ENPEP: variants seen among roughly 807,000 people sequenced by gnomAD.
The protein encoded by ENPEP is glutamyl aminopeptidase.
A neutral mutation model predicts 114.5 loss-of-function variants in ENPEP; 103 were observed. The observed-to-expected ratio is 0.90, with a 90% CI of 0.77 to 1.06. The LOEUF is 1.06. Ranked by LOEUF, ENPEP falls within the 50% of genes least tolerant of loss-of-function variation. ENPEP has a pLI of 0.00. For synonymous variants in ENPEP, 420 were observed against 422.0 expected (o/e 1.00, Z 0.06); for missense variants, 1,196 against 1,161.3 (o/e 1.03, Z -0.43).
chr4:110,515,924 C>T (rs890732322), intron 8 of ENPEP: 5 of 412,156 alleles, frequency 1.2e-5, no homozygotes, highest in Non-Finnish European at 2.4e-5. Flanking sequence ...ACTCTGGTGT[C>T]TCTTATAAGG....
chr4:110,547,434 G>A (rs576975939), intron 13 of ENPEP, among the ~76,000 whole-genome samples: 4 of 152,034 alleles, frequency 2.6e-5, no homozygotes, highest in Admixed American at 6.6e-5. Flanking sequence ...TTCCCTAGAC[G>A]TAGAGTCAGA....
intron 18 of ENPEP, among the ~76,000 whole-genome samples, chr4:110,556,302 A>G (rs1015979596): frequency 2.6e-5 from 4 of 151,994 alleles, no homozygotes; most frequent in African/African-American, 4.8e-5. Flanking sequence ...TTGTCATATT[A>G]CTGTTTCTCC....
At chr4:110,507,974 A>G (rs1725430528) in intron 4 of ENPEP, among the ~76,000 whole-genome samples, 1 of 152,208 alleles carries the variant, frequency 6.6e-6, no homozygotes, top group Admixed American at 6.5e-5. Context: ...CTCAATTTAA[A>G]AATATCAGAA....
intron 13 of ENPEP, among the ~76,000 whole-genome samples, chr4:110,545,738 T>C (rs1376183414): frequency 6.6e-6 from 1 of 151,996 alleles, no homozygotes; most frequent in African/African-American, 2.4e-5. Flanking sequence ...ATCCATTCCA[T>C]TGAGAAGGAT....
intron 3 of ENPEP, among the ~76,000 whole-genome samples, chr4:110,493,542 T>C (rs573839592): frequency 4.6e-5 from 7 of 152,248 alleles, no homozygotes; most frequent in South Asian, 2.1e-4. Context: ...AACCCTTCCA[T>C]AGAAGACAGG....
At chr4:110,521,275 C>T (rs1465709582) in intron 10 of ENPEP, among the ~76,000 whole-genome samples, 2 of 152,068 alleles carry the variant, frequency 1.3e-5, no homozygotes, top group Non-Finnish European at 2.9e-5. Context: ...GAGGCTGAGG[C>T]ATGAAGACGA....
chr4:110,502,228 A>G (rs138978413), intron 3 of ENPEP, among the ~76,000 whole-genome samples: 21 of 152,208 alleles, frequency 1.4e-4, no homozygotes, highest in African/African-American at 4.1e-4. Context: ...CTCATTCTGT[A>G]TGTTGTCTGT....
At chr4:110,518,482 A>G (rs1027926877) in intron 8 of ENPEP, among the ~76,000 whole-genome samples, 2 of 152,230 alleles carry the variant, frequency 1.3e-5, no homozygotes, top group Non-Finnish European at 2.9e-5. Flanking sequence ...ATGATTATTC[A>G]AGGTGAAGAG....
At chr4:110,535,767 G>A (rs28447570) in intron 11 of ENPEP, among the ~76,000 whole-genome samples, 44,351 of 151,948 alleles carry the variant, frequency 0.29, 6,833 homozygotes, top group Non-Finnish European at 0.33. Context: ...CAGGTGGATC[G>A]CCTGAGGTCG....
intron 10 of ENPEP, among the ~76,000 whole-genome samples, chr4:110,527,972 T>C (rs1578409057): frequency 6.6e-6 from 1 of 152,318 alleles, no homozygotes; most frequent in African/African-American, 2.4e-5. Context: ...CCAAACAATT[T>C]TACTGCCAAG....
chr4:110,553,807 A>G (rs550100440), intron 18 of ENPEP, among the ~76,000 whole-genome samples: 1 of 152,164 alleles, frequency 6.6e-6, no homozygotes, highest in South Asian at 2.1e-4. Context: ...GTTTGATTAA[A>G]GCTAGGTAAA....
chr4:110,561,447 A>G lies in ENPEP; in HGVS notation c.2763A>G (p.Gly921=). 6.2e-7 allele frequency: 1 copy of G among 1,614,086 alleles called. No homozygotes were observed. Among genetic ancestry groups the G allele is most frequent in the Non-Finnish European group, 8.5e-7 (1 of 1,179,962 alleles). The part of the protein sequence containing the change: ...FFAKYPQAGA[G]EKPREQVLET... ...CAAAATATCCACAAGCTGGAGCAGG[A>G]GAAAAACCTAGGGAACAAGTGCTGG... The change falls in exon 20 of 20, where the codon GGA becomes GGG. Residue 921 remains glycine, a synonymous_variant. Transcript: ENST00000265162.
In ENPEP at chr4:110,505,847, G is replaced by C. The variant is rs377340642; in HGVS notation, c.919-790G>C. Among the ~76,000 whole-genome samples, 10 of 152,258 alleles carry C rather than the reference G, an allele frequency of 6.6e-5. No individual in the cohort carries two copies. In the South Asian group the frequency reaches 2.1e-3, roughly 32 times the overall value. On this transcript the variant is annotated intron_variant, in intron 3 of 19. Transcript: ENST00000265162. ...AACACCTGTAATATTCTTTTCCAGAGACCACATCTACTTTCACGACACTAT... is the reference window on the plus strand; with the variant it reads ...AACACCTGTAATATTCTTTTCCAGACACCACATCTACTTTCACGACACTAT...
chr4:110,541,603 T>A (rs146940532), intron 11 of ENPEP, among the ~76,000 whole-genome samples: 224 of 152,220 alleles, frequency 1.5e-3, no homozygotes, highest in African/African-American at 5.2e-3. Context: ...ACTATTGAAA[T>A]CTTTCCAGAA....
At chr4:110,487,341 A>G (rs1724542467) in intron 1 of ENPEP, among the ~76,000 whole-genome samples, 1 of 152,198 alleles carries the variant, frequency 6.6e-6, no homozygotes, top group African/African-American at 2.4e-5. Context: ...TCCTTCCCAA[A>G]ATTAGTTCGG....
At chr4:110,526,790 C>T (rs941036909) in intron 10 of ENPEP, among the ~76,000 whole-genome samples, 2 of 152,014 alleles carry the variant, frequency 1.3e-5, no homozygotes, top group African/African-American at 4.8e-5. Context: ...GAGCAGCCCA[C>T]GTGATAGTTG....
intron 18 of ENPEP, among the ~76,000 whole-genome samples, chr4:110,556,437 G>A (rs1484161768): frequency 6.6e-6 from 1 of 151,958 alleles, no homozygotes; most frequent in African/African-American, 2.4e-5. Context: ...CTTTAAGTGT[G>A]CATCTTCAAT....
At chr4:110,495,646 A>C (rs772088006) in intron 3 of ENPEP, among the ~76,000 whole-genome samples, 8 of 152,130 alleles carry the variant, frequency 5.3e-5, no homozygotes, top group Non-Finnish European at 1.2e-4. Context: ...GCTTGAACCC[A>C]GGAGGCAGAG....
chr4:110,489,237 G>C (rs1724612141), intron 2 of ENPEP, among the ~76,000 whole-genome samples: 1 of 150,458 alleles, frequency 6.6e-6, no homozygotes, highest in Non-Finnish European at 1.5e-5. Flanking sequence ...CTATAAAAAA[G>C]GATGAGTTCA....
Sources: gnomAD v4.1 joint callset for allele counts (sites outside exome capture counted in the v4.1 genomes callset) on GRCh38, gnomAD v4.1.1 for gene constraint, MANE v1.5 for transcripts, NCBI Gene and HGNC (gene_info 2026-07-23, HGNC 2026-07-21) for gene names.